Variants in HS6ST2 observed in about 807,000 individuals in gnomAD.
The protein encoded by HS6ST2 is heparan-sulfate 6-O-sulfotransferase 2.
HS6ST2 carries 17 observed loss-of-function variants against 33.0 expected under a neutral mutation model. The ratio of observed to expected loss-of-function variants is 0.52; its 90% CI spans 0.35 to 0.77. The LOEUF (loss-of-function observed/expected upper bound fraction) is 0.77, where lower values mean the gene tolerates loss of function less well. Among genes scored for constraint, HS6ST2 ranks in the 30% least tolerant of loss-of-function variants. The pLI is 0.01. For missense variants in HS6ST2, 519 were observed against 551.7 expected (o/e 0.94, Z 0.59); for synonymous variants, 248 against 237.1 (o/e 1.05, Z -0.42).
chrX:132,867,129 C>T (rs2065994302), intron 2 of HS6ST2, among the ~76,000 whole-genome samples: 2 of 102,114 alleles, frequency 2.0e-5, no homozygotes, highest in Non-Finnish European at 4.0e-5. Flanking sequence ...TCATAGATAG[C>T]TCTTATTATT....
intron 2 of HS6ST2, among the ~76,000 whole-genome samples, chrX:132,911,513 T>A (rs1257287380): frequency 8.9e-6 from 1 of 112,181 alleles, no homozygotes; most frequent in African/African-American, 3.2e-5. Context: ...CCTCAGGGTC[T>A]TTGCAATTGT....
In HS6ST2 at chrX:132,957,341, A is replaced by G; in HGVS notation, c.429-15T>C. The stretch of plus-strand genomic sequence containing the variant: ...TGTTCCCGACGCTGGGGGAAACCCA[A>G]GCTCGTTACGTCAATCCCGCAGCTC... On this transcript the variant is annotated splice_polypyrimidine_tract_variant and intron_variant, in intron 1 of 4. Coordinates refer to ENST00000370833, the MANE Select transcript of HS6ST2 (RefSeq NM_001394073.1). 1 of 1,148,837 alleles carries G rather than the reference A, an allele frequency of 8.7e-7. No individual in the cohort carries two copies. Among genetic ancestry groups the G allele is most frequent in the Non-Finnish European group, 1.2e-6 (1 of 864,017 alleles). 94.7% of individuals were successfully genotyped at this position (1,148,837 alleles called of 1,213,427 possible). A position where few individuals can be genotyped will look rare whatever the true frequency, so the allele number is the denominator to read the frequency against.
At chrX:132,687,955 G>A (rs1376689832) in intron 3 of HS6ST2, among the ~76,000 whole-genome samples, 2 of 111,384 alleles carry the variant, frequency 1.8e-5, no homozygotes, top group South Asian at 3.8e-4. Context: ...CATCATGTTC[G>A]CCAGGCTGCT....
At chrX:132,728,339 C>T (rs934441830) in intron 2 of HS6ST2, among the ~76,000 whole-genome samples, 2 of 112,151 alleles carry the variant, frequency 1.8e-5, no homozygotes, top group African/African-American at 6.5e-5. Flanking sequence ...TGGAAACACT[C>T]AATTAGCCCA....
At chrX:132,745,918 A>G (rs1018472556) in intron 2 of HS6ST2, among the ~76,000 whole-genome samples, 1 of 111,816 alleles carries the variant, frequency 8.9e-6, no homozygotes, top group Non-Finnish European at 1.9e-5. Context: ...CTTACTTAAA[A>G]TCTTAGGTGA....
chrX:132,681,520 C>T (rs930144290), intron 3 of HS6ST2, among the ~76,000 whole-genome samples: 4 of 112,035 alleles, frequency 3.6e-5, no homozygotes, highest in African/African-American at 1.3e-4. Flanking sequence ...CATGGTGGCT[C>T]ATGCCTATTA....
At chrX:132,847,476 C>A (rs952420177) in intron 2 of HS6ST2, among the ~76,000 whole-genome samples, 3 of 111,310 alleles carry the variant, frequency 2.7e-5, no homozygotes, top group Non-Finnish European at 5.7e-5. Context: ...TTAGAGGAAG[C>A]ACAGACAATA....
chrX:132,880,896 G>C (rs762977196), intron 2 of HS6ST2, among the ~76,000 whole-genome samples: 1 of 108,485 alleles, frequency 9.2e-6, no homozygotes, highest in East Asian at 3.0e-4. Context: ...CTGTCCTTGC[G>C]ATAGTTTGCT....
At chrX:132,783,030 G>T (rs915063761) in intron 2 of HS6ST2, among the ~76,000 whole-genome samples, 1 of 111,669 alleles carries the variant, frequency 9.0e-6, no homozygotes, top group Non-Finnish European at 1.9e-5. Flanking sequence ...GGGGAAGAGG[G>T]TCATGAGAGG....
At chrX:132,718,156 C>G (rs1243734572) in intron 2 of HS6ST2, among the ~76,000 whole-genome samples, 1 of 111,767 alleles carries the variant, frequency 8.9e-6, no homozygotes, top group Non-Finnish European at 1.9e-5. Context: ...CTCATTTCAT[C>G]CTGAACAAAA....
chrX:132,900,803 G>A (rs541299040), intron 2 of HS6ST2, among the ~76,000 whole-genome samples: 1 of 111,032 alleles, frequency 9.0e-6, no homozygotes, highest in South Asian at 3.8e-4. Context: ...TGTTATTCAT[G>A]TCATTGTGTA....
chrX:132,775,859 A>G (rs956957514), intron 2 of HS6ST2, among the ~76,000 whole-genome samples: 6 of 111,853 alleles, frequency 5.4e-5, no homozygotes, highest in Non-Finnish European at 7.5e-5. Flanking sequence ...TCGTGCTTCA[A>G]TGATATCAGC....
upstream of HS6ST2, among the ~76,000 whole-genome samples, chrX:132,959,196 GA>G (rs957190601): frequency 1.8e-5 from 2 of 111,810 alleles, no homozygotes; most frequent in African/African-American, 6.5e-5. Context: ...CCTATTTCCT[GA>G]TACTAACACC....
chrX:132,898,380 G>GTT (rs1386650346), intron 2 of HS6ST2, among the ~76,000 whole-genome samples: 1 of 57,261 alleles, frequency 1.7e-5, no homozygotes, highest in African/African-American at 7.2e-5. Context: ...TCAACATAAG[G>GTT]TTATATATAT....
At chrX:132,738,922 G>T (rs771868705) in intron 2 of HS6ST2, among the ~76,000 whole-genome samples, 44 of 111,961 alleles carry the variant, frequency 3.9e-4, no homozygotes, top group Non-Finnish European at 7.9e-4. Context: ...CTAGACCCTG[G>T]ATTTTGTGGA....
intron 2 of HS6ST2, among the ~76,000 whole-genome samples, chrX:132,783,703 C>T (rs2065035405): frequency 9.0e-6 from 1 of 111,149 alleles, no homozygotes. Flanking sequence ...AGGAACCCCT[C>T]CCTCAGGTCC....
intron 2 of HS6ST2, among the ~76,000 whole-genome samples, chrX:132,837,073 T>C (rs908206480): frequency 1.8e-5 from 2 of 112,039 alleles, no homozygotes; most frequent in Admixed American, 1.9e-4. Flanking sequence ...GAAATGGCAT[T>C]ATAAATCCAT....
At chrX:132,894,372 G>A (rs930576539) in intron 2 of HS6ST2, among the ~76,000 whole-genome samples, 4 of 109,339 alleles carry the variant, frequency 3.7e-5, no homozygotes, top group South Asian at 4.0e-4. Flanking sequence ...AACTCCTGAC[G>A]TCAGGTGATC....
chrX:132,735,422 G>A (rs769846865), intron 2 of HS6ST2: 7 of 111,749 alleles, frequency 6.3e-5, no homozygotes, highest in Non-Finnish European at 9.4e-5. Context: ...TGTCAAAAAC[G>A]TGTAAAGATT....
Sources: gnomAD v4.1 joint callset for allele counts (sites outside exome capture counted in the v4.1 genomes callset) on GRCh38, gnomAD v4.1.1 for gene constraint, MANE v1.5 for transcripts, NCBI Gene and HGNC (gene_info 2026-07-23, HGNC 2026-07-21) for gene names.